TRHDE: variants seen among roughly 807,000 people sequenced by gnomAD.
TRHDE encodes thyrotropin-releasing hormone-degrading ectoenzyme.
In TRHDE, 72 loss-of-function variants were observed where a neutral mutation model predicts 125.7. The ratio of observed to expected loss-of-function variants is 0.57; its 90% CI spans 0.47 to 0.70. TRHDE has a LOEUF of 0.70. Among genes scored for constraint, TRHDE ranks in the 30% least tolerant of loss-of-function variants. TRHDE has a pLI of 0.00. For synonymous variants in TRHDE, 509 were observed against 509.1 expected, an observed-to-expected ratio of 1.00 and a Z score of 0.00; for missense variants, 1,110 against 1,327.1, an observed-to-expected ratio of 0.84 and a Z score of 2.54.
chr12:72,324,444 G>C (rs2135713480), intron 2 of TRHDE, among the ~76,000 whole-genome samples: 1 of 152,156 alleles, frequency 6.6e-6, no homozygotes, highest in Middle Eastern at 3.4e-3. Context: ...CTTTCACTCA[G>C]AGGTAAAAAC....
chr12:72,557,789 A>G (rs1869990387), intron 7 of TRHDE, among the ~76,000 whole-genome samples: 1 of 152,184 alleles, frequency 6.6e-6, no homozygotes. Flanking sequence ...ATGCAATCGC[A>G]TATATCCATT....
intron 2 of TRHDE, among the ~76,000 whole-genome samples, chr12:72,193,934 C>T (rs1471380310): frequency 1.3e-5 from 2 of 151,958 alleles, no homozygotes; most frequent in South Asian, 2.1e-4. Context: ...AGGAACTATT[C>T]CTGTCACATA....
At chr12:72,178,613 A>G (rs1355023876) in intron 2 of TRHDE, among the ~76,000 whole-genome samples, 1 of 152,116 alleles carries the variant, frequency 6.6e-6, no homozygotes, top group African/African-American at 2.4e-5. Context: ...ATCAAAATAG[A>G]GGTAGTTATC....
At position 72,118,671 on chromosome 12, in the gene TRHDE, C is replaced by T. The variant is rs528975502; in HGVS notation, n.279+12919C>T. 1.4e-3 allele frequency among the ~76,000 whole-genome samples: 210 copies of T among 152,196 alleles called. 1 individual carries two copies. Among genetic ancestry groups the T allele is most frequent in the African/African-American group, 4.6e-3 (192 of 41,550 alleles). Reference sequence around the variant, plus strand: ...TTGGTAAAATCCATCAGTGGAGGCACAGGGTTCCAAGCTTTCCTTTGCTGG... The same window carrying T: ...TTGGTAAAATCCATCAGTGGAGGCATAGGGTTCCAAGCTTTCCTTTGCTGG... On this transcript the variant is annotated intron_variant and non_coding_transcript_variant, in intron 2 of 4. Transcript: ENST00000548156.
chr12:72,427,466 C>T (rs935061768), intron 3 of TRHDE, among the ~76,000 whole-genome samples: 3 of 152,104 alleles, frequency 2.0e-5, no homozygotes, highest in Admixed American at 6.6e-5. Flanking sequence ...AGATATCACA[C>T]TAGAGGACTC....
Position 72,663,282 on chromosome 12 carries a change from A to T in TRHDE, c.*87A>T. On this transcript the variant is annotated 3_prime_UTR_variant, in exon 19 of 19. Transcript: ENST00000261180. ...GGAATGAGGAAAATGTACTACCTAGAAAATGGCCAGATTTTCAGTGTTAAC... is the reference window on the plus strand; with the variant it reads ...GGAATGAGGAAAATGTACTACCTAGTAAATGGCCAGATTTTCAGTGTTAAC... 1 of 1,138,286 alleles carries T rather than the reference A, an allele frequency of 8.8e-7. No individual in the cohort carries two copies. Among genetic ancestry groups the T allele is most frequent in the Non-Finnish European group, 1.2e-6 (1 of 852,084 alleles). The allele number at this position is 1,138,286 out of a possible 1,614,324, so 70.5% of individuals were successfully genotyped here.
chr12:72,585,448 T>C (rs1366011981), intron 12 of TRHDE, among the ~76,000 whole-genome samples: 1 of 152,206 alleles, frequency 6.6e-6, no homozygotes, highest in Non-Finnish European at 1.5e-5. Context: ...CCACAGTAAA[T>C]AGACATCATT....
intron 2 of TRHDE, among the ~76,000 whole-genome samples, chr12:72,213,283 C>G (rs531968661): frequency 1.3e-5 from 2 of 152,078 alleles, no homozygotes; most frequent in African/African-American, 4.8e-5. Flanking sequence ...GGTTGTTGCA[C>G]AATCCTGCAA....
At chr12:72,594,604 T>C (rs920336755) in intron 12 of TRHDE, among the ~76,000 whole-genome samples, 1 of 151,922 alleles carries the variant, frequency 6.6e-6, no homozygotes, top group African/African-American at 2.4e-5. Flanking sequence ...CCACTTGTCA[T>C]TTTATTCATT....
intron 2 of TRHDE, among the ~76,000 whole-genome samples, chr12:72,319,588 A>G (rs554944090): frequency 2.0e-5 from 3 of 152,182 alleles, no homozygotes; most frequent in East Asian, 3.9e-4. Flanking sequence ...TTTCTCTATC[A>G]TCTATCATCA....
intron 2 of TRHDE, among the ~76,000 whole-genome samples, chr12:72,365,706 C>T (rs773968857): frequency 3.9e-5 from 6 of 152,046 alleles, no homozygotes; most frequent in Non-Finnish European, 8.8e-5. Context: ...AAATCTAATC[C>T]GAAGCAGTGA....
intron 5 of TRHDE, among the ~76,000 whole-genome samples, chr12:72,495,542 A>G (rs1877879520): frequency 6.6e-6 from 1 of 152,008 alleles, no homozygotes; most frequent in Non-Finnish European, 1.5e-5. Flanking sequence ...TGAACTAATT[A>G]ATCATTTCAT....
intron 2 of TRHDE, among the ~76,000 whole-genome samples, chr12:72,151,574 A>G (rs1344709392): frequency 6.6e-6 from 1 of 151,840 alleles, no homozygotes; most frequent in African/African-American, 2.4e-5. Flanking sequence ...ATTTTTGTAT[A>G]AGGTGTAAGG....
intron 2 of TRHDE, among the ~76,000 whole-genome samples, chr12:72,189,226 C>T (rs1369220792): frequency 6.6e-6 from 1 of 152,166 alleles, no homozygotes; most frequent in Non-Finnish European, 1.5e-5. Flanking sequence ...CAGCTTAATA[C>T]TATATTCAAC....
chr12:72,579,518 CT>C (rs923156663), intron 12 of TRHDE, among the ~76,000 whole-genome samples: 4 of 151,888 alleles, frequency 2.6e-5, no homozygotes, highest in African/African-American at 7.3e-5. Context: ...GATATTAATC[CT>C]TTTTTGTAGC....
intron 2 of TRHDE, among the ~76,000 whole-genome samples, chr12:72,131,065 ATTTTTT>A (rs757285511): frequency 1.9e-5 from 2 of 105,472 alleles, no homozygotes; most frequent in South Asian, 3.1e-4. Flanking sequence ...ACTTAATGTA[ATTTTTT>A]TTTTTTTTTT....
chr12:72,595,655 A>C (rs1871907320), intron 12 of TRHDE, among the ~76,000 whole-genome samples: 1 of 152,182 alleles, frequency 6.6e-6, no homozygotes, highest in South Asian at 2.1e-4. Context: ...TTAAGTATGA[A>C]CATAGTCTTA....
At chr12:72,151,861 A>G (rs1040546166) in intron 2 of TRHDE, among the ~76,000 whole-genome samples, 3 of 152,168 alleles carry the variant, frequency 2.0e-5, no homozygotes, top group African/African-American at 7.2e-5. Context: ...TGGGCTTAGG[A>G]TTGACTTGGC....
At chr12:72,623,401 C>T (rs1592578972) in intron 15 of TRHDE, among the ~76,000 whole-genome samples, 1 of 152,152 alleles carries the variant, frequency 6.6e-6, no homozygotes, top group Non-Finnish European at 1.5e-5. Context: ...CACACCATTG[C>T]ATCACCATAA....
Sources: allele counts gnomAD v4.1 joint callset (sites outside exome capture counted in the v4.1 genomes callset), GRCh38; gene constraint gnomAD v4.1.1; transcripts MANE v1.5; gene names NCBI Gene and HGNC (gene_info 2026-07-23, HGNC 2026-07-21).